Variants in KRT8 observed in about 807,000 individuals in gnomAD.
The protein encoded by KRT8 is keratin 8.
KRT8 carries 24 observed loss-of-function variants against 43.0 expected under a neutral mutation model. The ratio of observed to expected loss-of-function variants is 0.56; its 90% confidence interval spans 0.40 to 0.78. KRT8 has a LOEUF of 0.78. Ranked by LOEUF, KRT8 falls within the 30% of genes least tolerant of loss-of-function variation. The pLI is 0.00. For synonymous variants in KRT8, 214 were observed against 261.2 expected, an observed-to-expected ratio of 0.82 and a Z score of 1.74; for missense variants, 492 against 638.4, an observed-to-expected ratio of 0.77 and a Z score of 2.47.
rs574493247 is a variant in KRT8 at position 52,933,543 on chromosome 12, A to G, written c.-47+15913T>C. Among the ~76,000 whole-genome samples, 3 of 152,346 alleles carry G rather than the reference A, an allele frequency of 2.0e-5. No individual in the cohort carries two copies. In the South Asian group the frequency reaches 6.2e-4, roughly 32 times the overall value. ...CCAATAAAAATCTCTAAGTTTTTAT[A>G]TAGAAACTAACAAACCGATTCTAAT... On this transcript the variant is annotated intron_variant, in intron 2 of 6. Coordinates refer to the KRT8 transcript ENST00000546826.
upstream of KRT8, among the ~76,000 whole-genome samples, chr12:52,910,038 C>G (rs1170681841): frequency 6.6e-6 from 1 of 152,080 alleles, no homozygotes; most frequent in African/African-American, 2.4e-5. Flanking sequence ...TCCCAAAGTA[C>G]TAGGGTTACA....
At chr12:52,905,771 G>A (rs1418666278), upstream of KRT8, among the ~76,000 whole-genome samples, 2 of 151,618 alleles carry the variant, frequency 1.3e-5, no homozygotes, top group Admixed American at 6.6e-5. Context: ...AGTGGCTGTC[G>A]TCCCTCTACA....
At chr12:52,945,654 T>C (rs563334073) in intron 2 of KRT8, among the ~76,000 whole-genome samples, 11 of 152,138 alleles carry the variant, frequency 7.2e-5, no homozygotes, top group Non-Finnish European at 1.6e-4. Flanking sequence ...CTGAGTCTAC[T>C]CTGAAGTTAA....
chr12:52,912,665 C>T (rs1294967808), intron 2 of KRT8, among the ~76,000 whole-genome samples: 2 of 152,202 alleles, frequency 1.3e-5, no homozygotes, highest in Non-Finnish European at 2.9e-5. Context: ...CCTCTGCAGT[C>T]GCCTGGCCTC....
At chr12:52,898,363 G>T in intron 7 of KRT8, 98 bp downstream of exon 7, 1 of 998,318 alleles carries the variant, frequency 1.0e-6, no homozygotes, top group Non-Finnish European at 1.5e-6. Context: ...TGCTCAGGCT[G>T]AGGTCACTGT....
chr12:52,912,899 G>A (rs554322426), intron 2 of KRT8, among the ~76,000 whole-genome samples: 31 of 149,284 alleles, frequency 2.1e-4, no homozygotes, highest in African/African-American at 6.8e-4. Context: ...CAGGCAGCGT[G>A]ACCAGGTACA....
intron 2 of KRT8, among the ~76,000 whole-genome samples, chr12:52,918,036 G>GAAA (rs1941782175): frequency 8.8e-6 from 1 of 113,092 alleles, no homozygotes; most frequent in Non-Finnish European, 1.7e-5. Context: ...AGAGGAGGAG[G>GAAA]AGAAGAAGAA....
chr12:52,913,514 C>T (rs1220092604), intron 2 of KRT8, among the ~76,000 whole-genome samples: 3 of 152,184 alleles, frequency 2.0e-5, no homozygotes, highest in African/African-American at 7.2e-5. Context: ...ATGCATGTAT[C>T]CATATAAATA....
chr12:52,949,651 T>C, intron 1 of KRT8: 1 of 1,443,074 alleles, frequency 6.9e-7, no homozygotes, highest in Non-Finnish European at 9.7e-7. Flanking sequence ...ATACACTCCT[T>C]TGCCTCTTTC....
chr12:52,905,127 C>G, upstream of KRT8: 1 of 1,421,922 alleles, frequency 7.0e-7, no homozygotes, highest in Admixed American at 2.6e-5. Flanking sequence ...GGAAAGGCCT[C>G]GTACCTGAGT....
At chr12:52,920,683 T>C (rs151223120) in intron 2 of KRT8, among the ~76,000 whole-genome samples, 1 of 152,166 alleles carries the variant, frequency 6.6e-6, no homozygotes, top group Non-Finnish European at 1.5e-5. Flanking sequence ...TAGAAAGACA[T>C]CTAACAGGCA....
intron 2 of KRT8, among the ~76,000 whole-genome samples, chr12:52,913,327 G>A (rs548210520): frequency 7.5e-4 from 114 of 152,254 alleles, no homozygotes; most frequent in African/African-American, 2.6e-3. Flanking sequence ...ATTGCAGGGT[G>A]GCCCTAACCT....
intron 2 of KRT8, among the ~76,000 whole-genome samples, chr12:52,938,044 T>C (rs1942197285): frequency 7.2e-6 from 1 of 139,556 alleles, no homozygotes; most frequent in Admixed American, 7.4e-5. Context: ...ATACAGATGG[T>C]AAATAAGCAC....
intron 2 of KRT8, among the ~76,000 whole-genome samples, chr12:52,929,733 CCA>C (rs1942054453): frequency 6.6e-6 from 1 of 152,078 alleles, no homozygotes. Context: ...TGAAAGCCAC[CCA>C]CAGAGGCCAG....
upstream of KRT8, among the ~76,000 whole-genome samples, chr12:52,908,940 A>G (rs1360566727): frequency 6.6e-6 from 1 of 152,196 alleles, no homozygotes; most frequent in Non-Finnish European, 1.5e-5. Context: ...CCGAAAGTTG[A>G]GGCCGCATGC....
intron 2 of KRT8, 164 bp downstream of exon 2, chr12:52,901,700 G>A: frequency 1.5e-6 from 1 of 649,030 alleles, no homozygotes; most frequent in Non-Finnish European, 2.8e-6. Flanking sequence ...TAGGAACCTG[G>A]GCATAAACAC....
In KRT8 at chr12:52,937,536, A is replaced by C. The variant is rs1942187989; in HGVS notation, c.-47+11920T>G. 2.0e-5 allele frequency among the ~76,000 whole-genome samples: 3 copies of C among 151,724 alleles called. No individual in the cohort carries two copies. The South Asian group carries it at 6.3e-4, about 32-fold the overall frequency. On this transcript the variant is annotated intron_variant, in intron 2 of 6. Transcript: ENST00000546826. ...AACCCTGTCTCTACAAAATATACAA[A>C]AATTAGCCAGGCATGGTGGCATGTG...
At chr12:52,941,223 C>T (rs186915107) in intron 2 of KRT8, among the ~76,000 whole-genome samples, 28 of 151,886 alleles carry the variant, frequency 1.8e-4, no homozygotes, top group South Asian at 6.2e-4. Context: ...TGTGCCACCA[C>T]GCCCGTCTAT....
At chr12:52,899,722 C>T (rs1941313822) in intron 5 of KRT8, 53 bp downstream of exon 5, 3 of 1,516,360 alleles carry the variant, frequency 2.0e-6, no homozygotes, top group African/African-American at 2.7e-5. Context: ...ACATTATCTC[C>T]TCTCACCAGG....
Sources: gnomAD v4.1 joint callset for allele counts (sites outside exome capture counted in the v4.1 genomes callset) on GRCh38, gnomAD v4.1.1 for gene constraint, MANE v1.5 for transcripts, NCBI Gene and HGNC (gene_info 2026-07-23, HGNC 2026-07-21) for gene names.